Variants in ERMP1 observed in about 807,000 individuals in gnomAD.
The protein encoded by ERMP1 is endoplasmic reticulum metallopeptidase 1.
A neutral mutation model predicts 92.0 loss-of-function variants in ERMP1; 86 were observed. The ratio of observed to expected loss-of-function variants is 0.93; its 90% confidence interval spans 0.79 to 1.12. The LOEUF (loss-of-function observed/expected upper bound fraction) is 1.12, where lower values mean the gene tolerates loss of function less well. ERMP1 is among the 50% of genes most tolerant of loss of function. The probability of loss-of-function intolerance (pLI) is 0.00; values close to 1 mark genes in which losing one functional copy is unlikely to be tolerated. For synonymous variants in ERMP1, 530 were observed against 412.8 expected (o/e 1.28, Z -3.44); for missense variants, 1,342 against 1,116.3 (o/e 1.20, Z -2.88).
chr9:5,809,972 G>A (rs906585040), intron 8 of ERMP1, 39 bp downstream of exon 8: 29 of 1,368,152 alleles, frequency 2.1e-5, no homozygotes, highest in Non-Finnish European at 2.9e-5. Context: ...AGTCCCTGGA[G>A]GCAACAGAAA....
chr9:5,808,534 C>T (rs1265570251), intron 8 of ERMP1, among the ~76,000 whole-genome samples: 1 of 152,194 alleles, frequency 6.6e-6, no homozygotes. Flanking sequence ...GACCAAAGTT[C>T]AGATACCAAA....
chr9:5,823,759 G>A, intron 4 of ERMP1, 137 bp downstream of exon 4: 1 of 661,274 alleles, frequency 1.5e-6, no homozygotes, highest in Non-Finnish European at 2.6e-6. Context: ...ACAAAGACAA[G>A]CTAACACCAC....
At position 5,812,118 on chromosome 9, in the gene ERMP1, T is replaced by A. The variant is rs552689442; in HGVS notation, c.1114+7A>T. On this transcript the variant is annotated splice_region_variant and intron_variant, in intron 6 of 14. Transcript: ENST00000339450. ...TGTATATCAAAAGTCTAAATTGGAA[T>A]ACCAACCTGCTCTCTGAATGGAATC... 1 of 1,572,982 alleles carries A rather than the reference T, an allele frequency of 6.4e-7. No homozygotes were observed. Among genetic ancestry groups the A allele is most frequent in the South Asian group, 1.1e-5 (1 of 87,224 alleles).
intron 6 of ERMP1, among the ~76,000 whole-genome samples, chr9:5,846,331 T>G (rs1268795236): frequency 6.6e-6 from 1 of 152,150 alleles, no homozygotes; most frequent in Admixed American, 6.5e-5. Context: ...CCCACAGATC[T>G]GGGCTCAAAT....
chr9:5,828,707 C>A (rs1380193118), intron 2 of ERMP1, among the ~76,000 whole-genome samples: 2 of 152,176 alleles, frequency 1.3e-5, no homozygotes, highest in Non-Finnish European at 2.9e-5. Context: ...TAATAAACTT[C>A]TATTTGGTTT....
chr9:5,805,913 AC>A, intron 8 of ERMP1, 128 bp from the exon 9 acceptor site: 2 of 684,096 alleles, frequency 2.9e-6, no homozygotes, highest in Non-Finnish European at 4.7e-6. Context: ...TGCTCTTTAA[AC>A]TGATTTAAAG....
At chr9:5,862,885 T>C (rs1187263264) in intron 5 of ERMP1, among the ~76,000 whole-genome samples, 1 of 152,150 alleles carries the variant, frequency 6.6e-6, no homozygotes, top group Non-Finnish European at 1.5e-5. Context: ...TCCAATAAAA[T>C]GCAATAAGAA....
At chr9:5,824,096 T>C in intron 3 of ERMP1, 95 bp from the exon 4 acceptor site, 1 of 884,278 alleles carries the variant, frequency 1.1e-6, no homozygotes, top group Non-Finnish European at 1.8e-6. Context: ...TTTGATGAGG[T>C]AAGGAATATG....
intron 13 of ERMP1, among the ~76,000 whole-genome samples, chr9:5,794,274 G>C (rs1193195023): frequency 6.6e-6 from 1 of 152,016 alleles, no homozygotes; most frequent in African/African-American, 2.4e-5. Flanking sequence ...AAAATTTGTG[G>C]CATGGAACAT....
At chr9:5,825,826 A>G (rs1829711223) in intron 2 of ERMP1, among the ~76,000 whole-genome samples, 1 of 152,224 alleles carries the variant, frequency 6.6e-6, no homozygotes, top group Non-Finnish European at 1.5e-5. Flanking sequence ...AGGTCCCAGA[A>G]CACACACTCA....
At chr9:5,793,270 G>T (rs933501430) in intron 13 of ERMP1, among the ~76,000 whole-genome samples, 3 of 151,192 alleles carry the variant, frequency 2.0e-5, no homozygotes, top group Non-Finnish European at 4.4e-5. Flanking sequence ...ATTAAAAAAG[G>T]TTAAAAAAAA....
At chr9:5,824,824 G>A (rs966500123) in intron 3 of ERMP1, among the ~76,000 whole-genome samples, 1 of 152,166 alleles carries the variant, frequency 6.6e-6, no homozygotes, top group Non-Finnish European at 1.5e-5. Flanking sequence ...GAAAACCTGA[G>A]GAGAGTAATT....
At chr9:5,854,977 C>T (rs1403328266) in intron 6 of ERMP1, among the ~76,000 whole-genome samples, 1 of 152,144 alleles carries the variant, frequency 6.6e-6, no homozygotes, top group African/African-American at 2.4e-5. Context: ...AAAGGGGAAA[C>T]ATCAATCCAT....
Position 5,805,229 on chromosome 9 carries a change from G to T in ERMP1, c.1724-12C>A. ...TTTTCCTTGGGCACCTAGGGAAAAA[G>T]AGAAAAAAAGCACACATCTATGAAA... On this transcript the variant is annotated splice_polypyrimidine_tract_variant and intron_variant, in intron 9 of 14. Coordinates refer to ENST00000339450, the MANE Select transcript of ERMP1 (RefSeq NM_024896.3). 1 of 1,585,798 alleles carries T rather than the reference G, an allele frequency of 6.3e-7. No individual in the cohort carries two copies. The highest frequency in any genetic ancestry group is 2.3e-5 in the East Asian group (1 of 44,314).
chr9:5,801,016 ACAGT>A (rs1193617230), intron 11 of ERMP1, among the ~76,000 whole-genome samples, 156 bp downstream of exon 11: 4 of 152,240 alleles, frequency 2.6e-5, no homozygotes, highest in Admixed American at 6.5e-5. Context: ...ATGCCTCTTG[ACAGT>A]CAGTCTTCTC....
intron 8 of ERMP1, among the ~76,000 whole-genome samples, chr9:5,809,085 A>G (rs1397118866): frequency 2.0e-5 from 3 of 152,082 alleles, no homozygotes; most frequent in South Asian, 2.1e-4. Flanking sequence ...GCAGTGGCTC[A>G]ATCTCAGCTC....
At chr9:5,787,371 T>C (rs1827987103) in intron 14 of ERMP1, 59 bp downstream of exon 14, 1 of 1,602,706 alleles carries the variant, frequency 6.2e-7, no homozygotes, top group Admixed American at 1.7e-5. Context: ...CCCAAGGTTC[T>C]TGCTAAATAC....
intron 13 of ERMP1, among the ~76,000 whole-genome samples, chr9:5,789,833 G>T (rs945317806): frequency 1.2e-4 from 17 of 147,176 alleles, no homozygotes; most frequent in Non-Finnish European, 2.2e-4. Context: ...ACAGATGCAT[G>T]CTACAAACCT....
At chr9:5,813,145 G>T (rs1829171466) in intron 4 of ERMP1, 110 bp from the exon 5 acceptor site, 3 of 1,038,030 alleles carry the variant, frequency 2.9e-6, no homozygotes, top group Non-Finnish European at 4.3e-6. Context: ...TGGGAGACGG[G>T]TCCAATATGT....
Sources: allele counts gnomAD v4.1 joint callset (sites outside exome capture counted in the v4.1 genomes callset), GRCh38; gene constraint gnomAD v4.1.1; transcripts MANE v1.5; gene names NCBI Gene and HGNC (gene_info 2026-07-23, HGNC 2026-07-21).